The following RIMS1 variants were observed in gnomAD, a reference collection of about 807,000 sequenced individuals.
RIMS1 encodes regulating synaptic membrane exocytosis 1, also known as regulating synaptic membrane exocytosis protein 1.
RIMS1 carries 83 observed loss-of-function variants against 214.1 expected under a neutral mutation model. The observed-to-expected ratio is 0.39, with a 90% CI of 0.32 to 0.47. The LOEUF (loss-of-function observed/expected upper bound fraction) is 0.47, where lower values mean the gene tolerates loss of function less well. Among genes scored for constraint, RIMS1 ranks in the 20% least tolerant of loss-of-function variants. RIMS1 has a pLI of 0.99. For synonymous variants in RIMS1, 793 were observed against 786.8 expected (o/e 1.01, Z -0.13); for missense variants, 2,050 against 2,161.8 (o/e 0.95, Z 1.03).
At chr6:71,975,816 CAT>C (rs1187576457) in intron 2 of RIMS1, among the ~76,000 whole-genome samples, 2 of 152,038 alleles carry the variant, frequency 1.3e-5, no homozygotes, top group Non-Finnish European at 2.9e-5. Flanking sequence ...TAAATGGAAT[CAT>C]ATTATATGTG....
intron 15 of RIMS1, 74 bp downstream of exon 15, chr6:72,251,442 A>G: frequency 1.1e-5 from 13 of 1,207,732 alleles, no homozygotes; most frequent in South Asian, 7.5e-5. Context: ...ATAATTCAAG[A>G]TGTTTTTTTT....
intron 2 of RIMS1, among the ~76,000 whole-genome samples, chr6:72,096,697 C>T (rs183388508): frequency 2.0e-5 from 3 of 152,044 alleles, no homozygotes; most frequent in Admixed American, 1.3e-4. Context: ...TCATTGCTGG[C>T]GACAAACAGG....
intron 4 of RIMS1, among the ~76,000 whole-genome samples, chr6:72,105,383 T>C (rs2034538029): frequency 6.6e-6 from 1 of 152,146 alleles, no homozygotes; most frequent in Non-Finnish European, 1.5e-5. Flanking sequence ...ATGCTCTCTT[T>C]CTGTTCATCT....
intron 6 of RIMS1, among the ~76,000 whole-genome samples, chr6:72,224,464 T>C (rs1379411342): frequency 6.6e-6 from 1 of 152,190 alleles, no homozygotes; most frequent in Non-Finnish European, 1.5e-5. Context: ...CTTGCATCTG[T>C]GACAAAGCCA....
chr6:72,012,611 C>T (rs898254483), intron 2 of RIMS1, among the ~76,000 whole-genome samples: 17 of 152,042 alleles, frequency 1.1e-4, no homozygotes, highest in African/African-American at 4.1e-4. Context: ...TAGAAGAGAA[C>T]TTGATGTATG....
rs996779433 is a variant in RIMS1 at position 72,247,997 on chromosome 6, T to C, written c.2129-18T>C. ...TCCTACACTTACAAATATTACTTACTTTTTTTTCTCATTTTAGGTTCAAGT... is the reference window on the plus strand; with the variant it reads ...TCCTACACTTACAAATATTACTTACCTTTTTTTCTCATTTTAGGTTCAAGT... On this transcript the variant is annotated intron_variant, in intron 11 of 33. Coordinates refer to ENST00000521978, the MANE Select transcript of RIMS1 (RefSeq NM_014989.7). 6.6e-7 allele frequency: 1 copy of C among 1,503,892 alleles called. No individual in the cohort carries two copies. Among genetic ancestry groups the C allele is most frequent in the Non-Finnish European group, 9.2e-7 (1 of 1,081,230 alleles). The allele number at this position is 1,503,892 out of a possible 1,614,324, so 93.2% of individuals were successfully genotyped here.
At position 72,385,037 on chromosome 6, in the gene RIMS1, C is replaced by G. The variant is rs563425419; in HGVS notation, c.4367-5561C>G. 3.3e-5 allele frequency among the ~76,000 whole-genome samples: 5 copies of G among 152,266 alleles called. No individual in the cohort carries two copies. In the South Asian group the frequency reaches 1.0e-3, roughly 32 times the overall value. On this transcript the variant is annotated intron_variant, in intron 29 of 33. Transcript: ENST00000521978. ...CGGAACACGGGTGAAATATTGCCCC[C>G]AGACATTTTGGATTTTAGTAATTTT...
At chr6:72,113,380 A>G (rs983049638) in intron 4 of RIMS1, among the ~76,000 whole-genome samples, 1 of 152,104 alleles carries the variant, frequency 6.6e-6, no homozygotes, top group Non-Finnish European at 1.5e-5. Context: ...GAATATGTCT[A>G]TATTTTATTC....
chr6:72,379,604 G>A (rs544719787), intron 29 of RIMS1, among the ~76,000 whole-genome samples: 2 of 152,224 alleles, frequency 1.3e-5, no homozygotes, highest in Admixed American at 6.5e-5. Context: ...GATGTAATCT[G>A]TGCAGAATAC....
intron 27 of RIMS1, among the ~76,000 whole-genome samples, chr6:72,310,662 G>A (rs762904763): frequency 2.0e-5 from 3 of 151,730 alleles, no homozygotes; most frequent in South Asian, 2.1e-4. Context: ...CTGTAGGATC[G>A]GTAGAAATTC....
intron 30 of RIMS1, among the ~76,000 whole-genome samples, chr6:72,392,165 G>A (rs2098713090): frequency 6.6e-6 from 1 of 152,204 alleles, no homozygotes; most frequent in Non-Finnish European, 1.5e-5. Flanking sequence ...CTATCAGGAA[G>A]TTGTATTATA....
Position 72,235,674 on chromosome 6 carries a change from T to G in RIMS1, c.1803T>G (p.Ile601Met), listed in dbSNP as rs746469593. ...GGGACCGATTAATTGGACGTGTTATTCTTAACAAGAGAACAACCATGCCCA... is the reference window on the plus strand; with the variant it reads ...GGGACCGATTAATTGGACGTGTTATGCTTAACAAGAGAACAACCATGCCCA... ...KEGDRLIGRV[I>M]LNKRTTMPKD... Residue 601 changes from isoleucine to methionine, a missense_variant, in exon 8 of 34, where the codon ATT becomes ATG. Coordinates refer to ENST00000521978, the MANE Select transcript of RIMS1 (RefSeq NM_014989.7). The G allele has an allele frequency of 1.2e-6, 2 of 1,611,202 alleles. No individual in the cohort carries two copies. Among genetic ancestry groups the G allele is most frequent in the Non-Finnish European group, 1.7e-6 (2 of 1,178,460 alleles).
chr6:71,899,705 C>T (rs1330581923), intron 1 of RIMS1, among the ~76,000 whole-genome samples: 1 of 152,140 alleles, frequency 6.6e-6, no homozygotes, highest in African/African-American at 2.4e-5. Flanking sequence ...GATTTTATGG[C>T]AGTGGCTATT....
At chr6:72,285,985 G>A (rs538102121) in intron 24 of RIMS1, among the ~76,000 whole-genome samples, 1 of 152,190 alleles carries the variant, frequency 6.6e-6, no homozygotes, top group East Asian at 1.9e-4. Flanking sequence ...ATCATCTGAG[G>A]TCGGGAGTTT....
intron 2 of RIMS1, among the ~76,000 whole-genome samples, chr6:71,984,708 TGA>T (rs1349472370): frequency 1.3e-5 from 2 of 152,106 alleles, no homozygotes; most frequent in African/African-American, 4.8e-5. Flanking sequence ...TCCTGTAAGT[TGA>T]GATTGTAAAC....
intron 1 of RIMS1, among the ~76,000 whole-genome samples, chr6:71,960,988 C>T (rs1296915200): frequency 6.6e-6 from 1 of 152,078 alleles, no homozygotes; most frequent in East Asian, 1.9e-4. Context: ...ATAGTGAAAA[C>T]ATAACTATTA....
At chr6:72,295,481 T>A (rs1048125183) in intron 26 of RIMS1, among the ~76,000 whole-genome samples, 23 of 151,800 alleles carry the variant, frequency 1.5e-4, no homozygotes, top group African/African-American at 5.6e-4. Flanking sequence ...AAATTTCATT[T>A]TATCATATGA....
chr6:72,240,630 C>CTTTTTTTTTTTTTTTTTTTTTTTTTTTT (rs11344285), intron 9 of RIMS1, among the ~76,000 whole-genome samples: 2 of 82,468 alleles, frequency 2.4e-5, no homozygotes, highest in Non-Finnish European at 4.5e-5. Flanking sequence ...TTTCTTTTTT[C>CTTTTTTTTTTTTTTTTTTTTTTTTTTTT]TTTTTTTTTT....
intron 1 of RIMS1, among the ~76,000 whole-genome samples, chr6:71,959,667 C>T (rs541758023): frequency 3.5e-4 from 53 of 151,680 alleles, no homozygotes; most frequent in African/African-American, 6.8e-4. Context: ...TGTTTTACAA[C>T]GTTGCAATAT....
Sources: gnomAD v4.1 joint callset for allele counts (sites outside exome capture counted in the v4.1 genomes callset) on GRCh38, gnomAD v4.1.1 for gene constraint, MANE v1.5 for transcripts, NCBI Gene and HGNC (gene_info 2026-07-23, HGNC 2026-07-21) for gene names.